Variants in SEMA3A observed in about 807,000 individuals in gnomAD.
SEMA3A encodes the protein semaphorin-3A.
A neutral mutation model predicts 97.9 loss-of-function variants in SEMA3A; 29 were observed. The observed-to-expected ratio is 0.30, with a 90% CI of 0.22 to 0.40. The LOEUF is 0.40. Among genes scored for constraint, SEMA3A ranks in the 10% least tolerant of loss-of-function variants. The pLI, the probability that SEMA3A is intolerant of heterozygous loss-of-function variation, is 1.00. For missense variants in SEMA3A, 763 were observed against 951.3 expected (o/e 0.80, Z 2.60); for synonymous variants, 321 against 323.7 (o/e 0.99, Z 0.09).
intron 1 of SEMA3A, among the ~76,000 whole-genome samples, chr7:84,417,188 CA>C (rs1252109485): frequency 2.0e-5 from 3 of 151,914 alleles, no homozygotes; most frequent in Non-Finnish European, 4.4e-5. Flanking sequence ...TACTTAATTA[CA>C]ATAGTACAAA....
intron 3 of SEMA3A, among the ~76,000 whole-genome samples, chr7:84,288,291 T>C (rs976599642): frequency 3.9e-5 from 6 of 152,098 alleles, no homozygotes; most frequent in Admixed American, 6.6e-5. Context: ...CTAAAAAATA[T>C]TGAATGTTTA....
At position 84,290,274 on chromosome 7, in the gene SEMA3A, AAAACC is replaced by A. The variant is rs147347063; in HGVS notation, c.-83+16928_-83+16932del. Among the ~76,000 whole-genome samples, 881 of 152,166 alleles carry A rather than the reference AAAACC, an allele frequency of 5.8e-3. 34 individuals are homozygous for A. Among genetic ancestry groups the A allele is most frequent in the Admixed American group, 0.051 (779 of 15,244 alleles). On this transcript the variant is annotated intron_variant, in intron 3 of 3. Transcript: ENST00000424555. The stretch of plus-strand genomic sequence containing the variant: ...ATCAATAAAGCTGTTTTTACAACCA[AAAACC>A]AAACCAAACCAACCAAACAAAAAAA...
In SEMA3A at chr7:84,375,349, G is replaced by T. The variant is rs1803072226; in HGVS notation, c.-245-3449C>A. On this transcript the variant is annotated intron_variant, in intron 1 of 3. Transcript: ENST00000424555. ...AAAGTAATATTATTGAGGGCATTGA[G>T]TGCGCAAAGTACCAAGCTCCATTCA... Among the ~76,000 whole-genome samples, 2 of 152,110 alleles carry T rather than the reference G, an allele frequency of 1.3e-5. 1 individual carries two copies. Among genetic ancestry groups the T allele is most frequent in the Admixed American group, 1.3e-4 (2 of 15,274 alleles).
At chr7:84,155,768 T>C (rs1478769167) in intron 1 of SEMA3A, among the ~76,000 whole-genome samples, 1 of 152,108 alleles carries the variant, frequency 6.6e-6, no homozygotes, top group African/African-American at 2.4e-5. Flanking sequence ...TGTTAATAAT[T>C]TTTTCCTTGT....
intron 2 of SEMA3A, among the ~76,000 whole-genome samples, chr7:84,317,614 T>G (rs1353337168): frequency 6.6e-6 from 1 of 152,194 alleles, no homozygotes; most frequent in Non-Finnish European, 1.5e-5. Flanking sequence ...TATTCTTCAT[T>G]TTTCCAGGCA....
At chr7:84,406,318 T>C (rs1331129201) in intron 1 of SEMA3A, among the ~76,000 whole-genome samples, 2 of 151,988 alleles carry the variant, frequency 1.3e-5, no homozygotes, top group Non-Finnish European at 1.5e-5. Context: ...ATAAATTCCT[T>C]GACACATACA....
intron 2 of SEMA3A, among the ~76,000 whole-genome samples, chr7:84,364,511 T>C (rs1339651631): frequency 6.6e-6 from 1 of 151,790 alleles, no homozygotes; most frequent in East Asian, 1.9e-4. Flanking sequence ...AATTTTTACA[T>C]TTAATTATTT....
intron 3 of SEMA3A, among the ~76,000 whole-genome samples, chr7:84,202,057 GA>G (rs1798371283): frequency 6.6e-6 from 1 of 152,086 alleles, no homozygotes; most frequent in Non-Finnish European, 1.5e-5. Flanking sequence ...TATACATGAG[GA>G]AAACAAATTT....
In SEMA3A at chr7:83,957,463, CTTTT is replaced by C. The variant is rs1788315464; in HGVS notation, c.*3904_*3907del. 1 of 151,984 alleles carries C rather than the reference CTTTT, an allele frequency of 6.6e-6. No homozygotes were observed. The highest frequency in any genetic ancestry group is 2.4e-5 in the African/African-American group (1 of 41,402). The allele number at this position is 151,984 out of a possible 1,614,324, so 9.4% of individuals were successfully genotyped here. A position where few individuals can be genotyped will look rare whatever the true frequency, so the allele number is the denominator to read the frequency against. ...CCAGTTTTTTAATATTCAAAATCTTCTTTTTGTTTGGTTTGGTTCCAGCTTTGCC... is the reference window on the plus strand; with the variant it reads ...CCAGTTTTTTAATATTCAAAATCTTCTGTTTGGTTTGGTTCCAGCTTTGCC... On this transcript the variant is annotated 3_prime_UTR_variant, in exon 17 of 17. Transcript: ENST00000265362.
chr7:84,367,185 A>G (rs907802541), intron 2 of SEMA3A, among the ~76,000 whole-genome samples: 3 of 151,316 alleles, frequency 2.0e-5, no homozygotes, highest in African/African-American at 7.3e-5. Context: ...ATTTTCTAAT[A>G]AAAAATAAAC....
intron 3 of SEMA3A, among the ~76,000 whole-genome samples, chr7:84,111,346 G>A (rs922324334): frequency 2.8e-4 from 42 of 152,124 alleles, no homozygotes; most frequent in Non-Finnish European, 7.4e-5. Context: ...TCTATGACTT[G>A]CCACTTTTCA....
At chr7:84,008,503 AAAAAAG>A (rs66600453) in intron 9 of SEMA3A, among the ~76,000 whole-genome samples, 27,318 of 147,280 alleles carry the variant, frequency 0.19, 2,424 homozygotes, top group South Asian at 0.23. Flanking sequence ...AAAAAAAAAA[AAAAAAG>A]AAAGAAAAAG....
chr7:84,192,765 G>C lies in SEMA3A; in HGVS notation c.112+1710C>G, dbSNP rs376902294. Among the ~76,000 whole-genome samples the C allele has an allele frequency of 1.3e-4, 19 of 151,902 alleles. No individual in the cohort carries two copies. In the South Asian group the frequency reaches 3.5e-3, roughly 28 times the overall value. ...TATTTTAAAATGAATTTAGCACTTA[G>C]ATATATTCAAGCCTAGCAGATTTTT... is the stretch of plus-strand genomic sequence containing the variant. On this transcript the variant is annotated intron_variant, in intron 1 of 16. Transcript: ENST00000265362.
chr7:84,174,082 C>T (rs1360747656), intron 1 of SEMA3A, among the ~76,000 whole-genome samples: 1 of 151,974 alleles, frequency 6.6e-6, no homozygotes, highest in African/African-American at 2.4e-5. Flanking sequence ...ATATTGAAAC[C>T]CTATCAGTCA....
At chr7:84,483,488 A>G (rs564469333) in intron 1 of SEMA3A, among the ~76,000 whole-genome samples, 1 of 152,244 alleles carries the variant, frequency 6.6e-6, no homozygotes, top group Admixed American at 6.5e-5. Flanking sequence ...TTTTTTATAG[A>G]GAAGGAGGCT....
At chr7:84,160,153 T>G (rs1796979585) in intron 1 of SEMA3A, among the ~76,000 whole-genome samples, 2 of 152,100 alleles carry the variant, frequency 1.3e-5, no homozygotes, top group African/African-American at 4.8e-5. Flanking sequence ...ATTGACAGAA[T>G]TGCACCAAAT....
At chr7:84,143,950 A>ACACACACAC (rs1796387775) in intron 1 of SEMA3A, among the ~76,000 whole-genome samples, 5 of 94,652 alleles carry the variant, frequency 5.3e-5, no homozygotes, top group South Asian at 3.7e-4. Flanking sequence ...CTCTCTCTCT[A>ACACACACAC]ACACACACAC....
intron 2 of SEMA3A, among the ~76,000 whole-genome samples, chr7:84,313,222 A>G (rs1383189227): frequency 6.9e-6 from 1 of 145,136 alleles, no homozygotes; most frequent in Non-Finnish European, 1.5e-5. Flanking sequence ...CAAATTTAAA[A>G]TATTTCCCTC....
intron 1 of SEMA3A, among the ~76,000 whole-genome samples, chr7:84,187,439 A>C (rs1039080904): frequency 6.6e-6 from 1 of 152,142 alleles, no homozygotes; most frequent in African/African-American, 2.4e-5. Context: ...CTGGTTCCTG[A>C]TTCCTAGAGC....
Sources: gnomAD v4.1 joint callset for allele counts (sites outside exome capture counted in the v4.1 genomes callset) on GRCh38, gnomAD v4.1.1 for gene constraint, MANE v1.5 for transcripts, NCBI Gene and HGNC (gene_info 2026-07-23, HGNC 2026-07-21) for gene names.